Variants in GABRG2 observed in about 807,000 individuals in gnomAD.
The protein encoded by GABRG2 is gamma-aminobutyric acid type A receptor subunit gamma2.
A neutral mutation model predicts 56.4 loss-of-function variants in GABRG2; 16 were observed. The observed-to-expected ratio is 0.28, with a 90% CI of 0.19 to 0.43. The LOEUF is 0.43. Among genes scored for constraint, GABRG2 ranks in the 20% least tolerant of loss-of-function variants. The pLI, the probability that GABRG2 is intolerant of heterozygous loss-of-function variation, is 1.00. For missense variants in GABRG2, 327 were observed against 582.7 expected (o/e 0.56, Z 4.52); for synonymous variants, 208 against 205.5 (o/e 1.01, Z -0.10).
At chr5:162,127,666 G>A (rs1203342573) in intron 6 of GABRG2, among the ~76,000 whole-genome samples, 1 of 151,846 alleles carries the variant, frequency 6.6e-6, no homozygotes, top group Non-Finnish European at 1.5e-5. Context: ...GTTGTCTCCT[G>A]AATTCACCGT....
rs148045051 is a variant in GABRG2 at position 162,094,274 on chromosome 5, T to C, written c.259+295T>C. 909 of 398,782 alleles carry C rather than the reference T, an allele frequency of 2.3e-3. 9 individuals carry two copies. The highest frequency in any genetic ancestry group is 0.017 in the African/African-American group (810 of 49,050). 24.7% of individuals were successfully genotyped at this position (398,782 alleles called of 1,614,324 possible). A position where few individuals can be genotyped will look rare whatever the true frequency, so the allele number is the denominator to read the frequency against. On this transcript the variant is annotated intron_variant, in intron 2 of 9. Coordinates refer to ENST00000639213, the MANE Select transcript of GABRG2 (RefSeq NM_198904.4). ...GAAAAAAAAAACAATGACCCCTTTA[T>C]GAAGCAACATAAACAAATCAAACAA...
chr5:162,122,320 G>C (rs1030242142), intron 6 of GABRG2, among the ~76,000 whole-genome samples: 7 of 151,562 alleles, frequency 4.6e-5, no homozygotes, highest in African/African-American at 1.5e-4. Flanking sequence ...CCTCTGCTGC[G>C]GTGTTGCACC....
chr5:162,113,168 G>A (rs1345828780), intron 6 of GABRG2, among the ~76,000 whole-genome samples: 1 of 151,928 alleles, frequency 6.6e-6, no homozygotes, highest in African/African-American at 2.4e-5. Context: ...TCAAGCTCCC[G>A]ACCTCAGGTG....
chr5:162,078,040 T>C (rs934982045), intron 1 of GABRG2, among the ~76,000 whole-genome samples: 1 of 152,064 alleles, frequency 6.6e-6, no homozygotes, highest in Non-Finnish European at 1.5e-5. Flanking sequence ...CTGTTGGTGA[T>C]ACAGACCTAT....
intron 6 of GABRG2, among the ~76,000 whole-genome samples, chr5:162,129,484 A>T (rs1036176067): frequency 6.6e-6 from 1 of 151,440 alleles, no homozygotes; most frequent in African/African-American, 2.4e-5. Flanking sequence ...TAAAAAGTGA[A>T]AAAAAAAATG....
At chr5:162,103,472 CTTA>C (rs1277566035) in intron 5 of GABRG2, 3 of 187,006 alleles carry the variant, frequency 1.6e-5, no homozygotes, top group African/African-American at 4.7e-5. Context: ...TCTGTACTGT[CTTA>C]TTATTTTCTG....
chr5:162,078,130 C>T (rs1759296288), intron 1 of GABRG2, among the ~76,000 whole-genome samples: 1 of 151,814 alleles, frequency 6.6e-6, no homozygotes, highest in Non-Finnish European at 1.5e-5. Context: ...AAACAAAACA[C>T]CATAGAATAC....
At chr5:162,150,540 T>C (rs1401510218) in intron 8 of GABRG2, 1 of 152,102 alleles carries the variant, frequency 6.6e-6, no homozygotes, top group Non-Finnish European at 1.5e-5. Context: ...CTCATAGAAA[T>C]CCCCATGAAA....
At chr5:162,123,235 A>AT (rs958579055) in intron 6 of GABRG2, among the ~76,000 whole-genome samples, 21 of 151,262 alleles carry the variant, frequency 1.4e-4, no homozygotes, top group Non-Finnish European at 2.2e-4. Flanking sequence ...TCCTCCTGAT[A>AT]TTTTTTTTTC....
At chr5:162,095,441 C>A in intron 2 of GABRG2, 54 bp from the exon 3 acceptor site, 1 of 1,058,018 alleles carries the variant, frequency 9.5e-7, no homozygotes, top group Non-Finnish European at 1.5e-6. Flanking sequence ...AAGATTAAAA[C>A]ATTAAAATCT....
chr5:162,092,244 G>T (rs1320991997), intron 1 of GABRG2, among the ~76,000 whole-genome samples: 1 of 151,964 alleles, frequency 6.6e-6, no homozygotes, highest in Non-Finnish European at 1.5e-5. Flanking sequence ...CAGAACCATT[G>T]CCCAGCCCAT....
Position 162,153,559 on chromosome 5 carries a change from T to A in GABRG2, c.*191T>A. 1 of 687,998 alleles carries A rather than the reference T, an allele frequency of 1.5e-6. No individual in the cohort carries two copies. Among genetic ancestry groups the A allele is most frequent in the Non-Finnish European group, 2.5e-6 (1 of 404,844 alleles). The allele number at this position is 687,998 out of a possible 1,614,324, so 42.6% of individuals were successfully genotyped here. A position where few individuals can be genotyped will look rare whatever the true frequency, so the allele number is the denominator to read the frequency against. On this transcript the variant is annotated 3_prime_UTR_variant, in exon 10 of 10. Coordinates refer to ENST00000639213, the MANE Select transcript of GABRG2 (RefSeq NM_198904.4). ...CTCCTTTGGTTAGTGTACTTTGAAC[T>A]TCGATGTTTGCTGTGTTTCAAACCT...
At chr5:162,086,045 C>T (rs116719974) in intron 1 of GABRG2, among the ~76,000 whole-genome samples, 2 of 151,656 alleles carry the variant, frequency 1.3e-5, no homozygotes, top group African/African-American at 4.8e-5. Context: ...AATAAACATA[C>T]TCGTGCATGC....
At chr5:162,068,705 G>C (rs960862818) in intron 1 of GABRG2, among the ~76,000 whole-genome samples, 1 of 152,132 alleles carries the variant, frequency 6.6e-6, no homozygotes, top group Admixed American at 6.5e-5. Context: ...GTCCTGGTGA[G>C]GGCCAAAGGG....
chr5:162,113,487 G>A (rs1299631409), intron 6 of GABRG2, among the ~76,000 whole-genome samples: 2 of 151,994 alleles, frequency 1.3e-5, no homozygotes, highest in Non-Finnish European at 2.9e-5. Flanking sequence ...TAATTGTTTT[G>A]CCCATAAGCA....
chr5:162,115,722 A>G (rs1425552096), intron 6 of GABRG2, among the ~76,000 whole-genome samples: 1 of 152,144 alleles, frequency 6.6e-6, no homozygotes, highest in African/African-American at 2.4e-5. Context: ...AGTGCATAAA[A>G]GGACCTTAAT....
At chr5:162,080,155 C>T (rs1759536156) in intron 1 of GABRG2, among the ~76,000 whole-genome samples, 1 of 152,152 alleles carries the variant, frequency 6.6e-6, no homozygotes, top group Non-Finnish European at 1.5e-5. Flanking sequence ...CTAATACTTG[C>T]ATGCCACTGT....
rs1408343754 is a variant in GABRG2, at chr5:162,093,911, G to A, written c.191G>A (p.Gly64Asp). Residue 64 changes from glycine to aspartate, a missense_variant, in exon 2 of 10, where the codon GGT (glycine) becomes GAT (aspartate). Gly to Asp is a moderately conservative substitution (Grantham distance 94). This residue lies in a region of GABRG2 where 73 missense variants were observed against 72.2 expected (regional missense o/e 1.01). Transcript: ENST00000639213. Reference protein sequence around the residue: ...TWVLTPKVPEGDVTVILNNLL... With the variant: ...TWVLTPKVPEDDVTVILNNLL... ...GTCTTGACTCCAAAAGTTCCTGAGG[G>A]TGATGTCACTGTCATCTTAAACAAC... 2 of 1,613,156 alleles carry A rather than the reference G, an allele frequency of 1.2e-6. No individual in the cohort carries two copies. Among genetic ancestry groups the A allele is most frequent in the Admixed American group, 3.3e-5 (2 of 59,910 alleles).
intron 6 of GABRG2, among the ~76,000 whole-genome samples, chr5:162,110,689 A>G (rs1762191487): frequency 1.3e-5 from 2 of 152,122 alleles, no homozygotes; most frequent in Admixed American, 1.3e-4. Context: ...CCTAAATGAA[A>G]AAAGAGAAAT....
Sources: gnomAD v4.1 joint callset for allele counts (sites outside exome capture counted in the v4.1 genomes callset) on GRCh38, gnomAD v4.1.1 for gene constraint, gnomAD v4.1.1 regional missense constraint, MANE v1.5 for transcripts, NCBI Gene and HGNC (gene_info 2026-07-23, HGNC 2026-07-21) for gene names.